The following SPIRE1 variants were observed in gnomAD, a reference collection of about 807,000 sequenced individuals.
The protein encoded by SPIRE1 is protein spire homolog 1.
Under a neutral mutation model 94.1 loss-of-function variants are expected in SPIRE1, and 40 were observed. The observed-to-expected ratio is 0.43, with a 90% CI of 0.33 to 0.55. The LOEUF (loss-of-function observed/expected upper bound fraction) is 0.55. Ranked by LOEUF, SPIRE1 falls within the 20% of genes least tolerant of loss-of-function variation. SPIRE1 has a pLI of 0.06. For synonymous variants in SPIRE1, 376 were observed against 371.7 expected, an observed-to-expected ratio of 1.01 and a Z score of -0.13; for missense variants, 838 against 975.2, an observed-to-expected ratio of 0.86 and a Z score of 1.87.
At chr18:12,498,828 G>A (rs2033556327) in intron 6 of SPIRE1, among the ~76,000 whole-genome samples, 1 of 152,280 alleles carries the variant, frequency 6.6e-6, no homozygotes, top group Middle Eastern at 3.4e-3. Flanking sequence ...GGTCTATGTT[G>A]CCTAGGCTGG....
intron 1 of SPIRE1, among the ~76,000 whole-genome samples, chr18:12,649,353 G>A (rs114590662): frequency 2.9e-3 from 441 of 152,152 alleles, no homozygotes; most frequent in African/African-American, 0.01. Context: ...GGGCTGCAGC[G>A]AGCTATGATC....
At chr18:12,468,375 C>T (rs1367753582) in intron 10 of SPIRE1, among the ~76,000 whole-genome samples, 1 of 152,126 alleles carries the variant, frequency 6.6e-6, no homozygotes, top group Non-Finnish European at 1.5e-5. Context: ...TCTCATGTTT[C>T]CTTTATATTT....
rs150030487 is a variant in SPIRE1, at chr18:12,509,388, C to T, written c.808-2747G>A. Among the ~76,000 whole-genome samples the T allele has an allele frequency of 2.6e-3, 395 of 152,258 alleles. 1 individual carries two copies. The highest frequency in any genetic ancestry group is 6.8e-3 in the Middle Eastern group (2 of 294). On this transcript the variant is annotated intron_variant, in intron 5 of 16. Transcript: ENST00000409402. Reference sequence around the variant, plus strand: ...GTTTATACTAGCTGTTTGCTAACTTCTGAACACTGGAAGTTATTTATCTGG... The same window carrying T: ...GTTTATACTAGCTGTTTGCTAACTTTTGAACACTGGAAGTTATTTATCTGG...
At chr18:12,607,596 T>TACACACACACACAC (rs34187168) in intron 2 of SPIRE1, among the ~76,000 whole-genome samples, 7 of 146,226 alleles carry the variant, frequency 4.8e-5, no homozygotes, top group African/African-American at 1.8e-4. Context: ...TCCACAGCAC[T>TACACACACACACAC]ACACACACAC....
chr18:12,606,580 G>A (rs980524327), intron 2 of SPIRE1, among the ~76,000 whole-genome samples: 29 of 151,146 alleles, frequency 1.9e-4, no homozygotes, highest in Non-Finnish European at 4.0e-4. Context: ...GCCCAGGCTG[G>A]AATGCGGTAG....
intron 8 of SPIRE1, among the ~76,000 whole-genome samples, chr18:12,492,271 C>A (rs1175473533): frequency 6.6e-6 from 1 of 152,122 alleles, no homozygotes; most frequent in Non-Finnish European, 1.5e-5. Context: ...GTCACAAAAC[C>A]AGATCCTTTC....
intron 2 of SPIRE1, among the ~76,000 whole-genome samples, chr18:12,602,787 G>T (rs558972364): frequency 3.3e-5 from 5 of 152,314 alleles, no homozygotes; most frequent in Non-Finnish European, 5.9e-5. Context: ...ATTACAATTT[G>T]TAGGAAGAAA....
At chr18:12,489,481 G>A (rs866340742) in intron 8 of SPIRE1, among the ~76,000 whole-genome samples, 1 of 152,122 alleles carries the variant, frequency 6.6e-6, no homozygotes, top group South Asian at 2.1e-4. Flanking sequence ...TTTCTTGGGA[G>A]ATGACATTTA....
chr18:12,572,456 T>C (rs983941321), intron 2 of SPIRE1, among the ~76,000 whole-genome samples: 6 of 151,850 alleles, frequency 4.0e-5, no homozygotes, highest in African/African-American at 7.2e-5. Flanking sequence ...TACACAGAAT[T>C]AGAAAATTAC....
chr18:12,634,122 C>G (rs1283194885), intron 2 of SPIRE1, among the ~76,000 whole-genome samples: 3 of 151,912 alleles, frequency 2.0e-5, no homozygotes, highest in Non-Finnish European at 4.4e-5. Context: ...GTGGCGGGCG[C>G]CTGTAGTCCC....
At chr18:12,589,920 A>C (rs2036486108) in intron 2 of SPIRE1, among the ~76,000 whole-genome samples, 1 of 152,230 alleles carries the variant, frequency 6.6e-6, no homozygotes, top group South Asian at 2.1e-4. Context: ...TATTTTTATA[A>C]AACAAATTTA....
chr18:12,559,576 G>C lies in SPIRE1; in HGVS notation c.373-12672C>G, dbSNP rs2035625888. Among the ~76,000 whole-genome samples, 1 of 152,212 alleles carries C rather than the reference G, an allele frequency of 6.6e-6. No homozygotes were observed. The highest frequency in any genetic ancestry group is 1.5e-5 in the Non-Finnish European group (1 of 68,038). Reference sequence around the variant, plus strand: ...CTGAAGGGCTCCTCAAGCATGGCCAGAGTGGACGCCGTGGCCTGAGGAGGT... The same window carrying C: ...CTGAAGGGCTCCTCAAGCATGGCCACAGTGGACGCCGTGGCCTGAGGAGGT... On this transcript the variant is annotated intron_variant, in intron 2 of 16. Coordinates refer to ENST00000409402, the MANE Select transcript of SPIRE1 (RefSeq NM_001128626.2). The surrounding 1 kb of genome is among the most constrained non-coding windows in gnomAD (Gnocchi z 4.7).
intron 2 of SPIRE1, among the ~76,000 whole-genome samples, chr18:12,552,004 T>C (rs1198311067): frequency 6.6e-6 from 1 of 152,150 alleles, no homozygotes; most frequent in Admixed American, 6.5e-5. Flanking sequence ...TTGTGAGACT[T>C]TGCACCGAAT....
At chr18:12,526,270 G>T (rs984030569) in intron 4 of SPIRE1, among the ~76,000 whole-genome samples, 1 of 152,084 alleles carries the variant, frequency 6.6e-6, no homozygotes, top group African/African-American at 2.4e-5. Flanking sequence ...TACCTTGCTT[G>T]CTCTCATCTC....
chr18:12,526,587 G>A (rs956669044), intron 4 of SPIRE1, among the ~76,000 whole-genome samples: 1 of 152,114 alleles, frequency 6.6e-6, no homozygotes, highest in Non-Finnish European at 1.5e-5. Context: ...GCTTCTGTGA[G>A]GACTCAATGA....
At chr18:12,606,518 CTCTT>C (rs1333415332) in intron 2 of SPIRE1, among the ~76,000 whole-genome samples, 2 of 147,838 alleles carry the variant, frequency 1.4e-5, no homozygotes, top group East Asian at 2.0e-4. Context: ...ATTATTTTCT[CTCTT>C]TAATTATCTG....
At chr18:12,629,824 A>G (rs1702626853) in intron 2 of SPIRE1, among the ~76,000 whole-genome samples, 1 of 152,224 alleles carries the variant, frequency 6.6e-6, no homozygotes, top group South Asian at 2.1e-4. Flanking sequence ...AAAGTAAAAA[A>G]ATTTGCATGT....
intron 2 of SPIRE1, among the ~76,000 whole-genome samples, chr18:12,629,791 A>G (rs887265577): frequency 3.3e-5 from 5 of 152,246 alleles, no homozygotes; most frequent in Non-Finnish European, 5.9e-5. Flanking sequence ...AAAAAGTTAT[A>G]GGGAAAAATT....
At chr18:12,481,437 A>G (rs1419819088) in intron 9 of SPIRE1, among the ~76,000 whole-genome samples, 3 of 152,084 alleles carry the variant, frequency 2.0e-5, no homozygotes, top group African/African-American at 7.2e-5. Flanking sequence ...AAAACCATGT[A>G]AATTATTTCT....
Sources: allele counts gnomAD v4.1 joint callset (sites outside exome capture counted in the v4.1 genomes callset), GRCh38; gene constraint gnomAD v4.1.1; non-coding constraint Gnocchi (gnomAD v3.1); transcripts MANE v1.5; gene names NCBI Gene and HGNC (gene_info 2026-07-23, HGNC 2026-07-21).